The following TRIM37 variants were observed in gnomAD, a reference collection of about 807,000 sequenced individuals.
The protein encoded by TRIM37 is E3 ubiquitin-protein ligase TRIM37.
TRIM37 carries 80 observed loss-of-function variants against 129.8 expected under a neutral mutation model. The observed-to-expected ratio is 0.62, with a 90% CI of 0.51 to 0.74. The LOEUF (loss-of-function observed/expected upper bound fraction) is 0.74. Ranked by LOEUF, TRIM37 falls within the 30% of genes least tolerant of loss-of-function variation. TRIM37 has a pLI of 0.00. For missense variants in TRIM37, 1,054 were observed against 1,176.5 expected (o/e 0.90, Z 1.52); for synonymous variants, 389 against 387.1 (o/e 1.00, Z -0.06).
At chr17:59,028,320 A>G in intron 19 of TRIM37, 95 bp downstream of exon 19, 1 of 1,182,824 alleles carries the variant, frequency 8.5e-7, no homozygotes. Context: ...AACTCACTGG[A>G]AGAGTGGTAT....
At chr17:59,061,882 G>T (rs1488669656) in intron 11 of TRIM37, among the ~76,000 whole-genome samples, 1 of 151,946 alleles carries the variant, frequency 6.6e-6, no homozygotes, top group Non-Finnish European at 1.5e-5. Flanking sequence ...AGTCTACTTT[G>T]CTTGAAAGGA....
At chr17:58,980,985 A>G (rs766713130), downstream of TRIM37, 9 of 1,613,622 alleles carry the variant, frequency 5.6e-6, no homozygotes, top group Admixed American at 3.3e-5. The surrounding 1 kb of genome is among the most constrained non-coding windows in gnomAD (Gnocchi z 4.7). Context: ...AGAAAGACTC[A>G]TGATATTCCA....
rs139657198 is a variant in TRIM37, at chr17:59,030,342, G to C, written c.1948+1554C>G. ...GGCTGGTCTCGAACTCCTGACCTCA[G>C]GTGATCCACCCGCCTCAGCCTCCCC... On this transcript the variant is annotated intron_variant, in intron 18 of 23. Coordinates refer to ENST00000262294, the MANE Select transcript of TRIM37 (RefSeq NM_015294.6). Among the ~76,000 whole-genome samples, 359 of 152,208 alleles carry C rather than the reference G, an allele frequency of 2.4e-3. 3 individuals are homozygous for C. Among genetic ancestry groups the C allele is most frequent in the African/African-American group, 8.3e-3 (346 of 41,544 alleles).
At chr17:59,059,848 G>A (rs1408827508) in intron 12 of TRIM37, among the ~76,000 whole-genome samples, 1 of 152,188 alleles carries the variant, frequency 6.6e-6, no homozygotes, top group African/African-American at 2.4e-5. Context: ...CTTCCTTAGT[G>A]TTATACCCAA....
chr17:59,063,044 G>T (rs937272550), intron 10 of TRIM37, among the ~76,000 whole-genome samples: 9 of 152,146 alleles, frequency 5.9e-5, no homozygotes, highest in South Asian at 2.1e-4. Context: ...TTTTAATATT[G>T]AAGAACAAGA....
chr17:59,012,202 C>G, intron 22 of TRIM37, 126 bp downstream of exon 22: 4 of 436,918 alleles, frequency 9.2e-6, no homozygotes, highest in South Asian at 8.8e-5. Flanking sequence ...ACTCCCTATC[C>G]CTATCACTAC....
At chr17:59,027,319 C>A (rs1364307480) in intron 19 of TRIM37, among the ~76,000 whole-genome samples, 1 of 152,124 alleles carries the variant, frequency 6.6e-6, no homozygotes, top group Non-Finnish European at 1.5e-5. Flanking sequence ...TTGCTTAGGC[C>A]AAAACTTAAT....
chr17:58,978,677 C>T (rs2031174653), downstream of TRIM37, among the ~76,000 whole-genome samples: 1 of 152,142 alleles, frequency 6.6e-6, no homozygotes, highest in African/African-American at 2.4e-5. Flanking sequence ...TGCCACTGCA[C>T]TCCAGCCTGG....
intron 2 of TRIM37, 49 bp from the exon 3 acceptor site, chr17:59,091,389 T>C (rs1365623263): frequency 4.6e-5 from 37 of 805,366 alleles, no homozygotes; most frequent in Non-Finnish European, 6.0e-5. Context: ...CATTACTATA[T>C]ATATATATTA....
chr17:59,036,643 T>C (rs1275885111), intron 17 of TRIM37, among the ~76,000 whole-genome samples: 2 of 152,048 alleles, frequency 1.3e-5, no homozygotes, highest in East Asian at 1.9e-4. Flanking sequence ...AGTCAATAAA[T>C]ATTTCTTGTT....
chr17:59,056,927 A>G lies in TRIM37; in HGVS notation c.1147T>C (p.Leu383=), dbSNP rs752999138. The G allele has an allele frequency of 6.2e-7, 1 of 1,613,838 alleles. No homozygotes were observed. The highest frequency in any genetic ancestry group is 1.1e-5 in the South Asian group (1 of 91,070). Residue 383 remains leucine (L), a synonymous_variant, in exon 13 of 24, where the codon TTA becomes CTA. Transcript: ENST00000262294. ...TTCAAGTATCCTTCATTTGCGAGTA[A>G]GTCCAAACGGAAAAATCTATTATAG... The part of the protein sequence containing the change: ...WGYNRFFRLD[L]LANEGYLNPQ...
chr17:59,088,249 G>T, intron 4 of TRIM37, 42 bp downstream of exon 4: 1 of 1,360,060 alleles, frequency 7.4e-7, no homozygotes, highest in Non-Finnish European at 1.1e-6. Context: ...CAATACAAAG[G>T]CAAAATCCAT....
chr17:59,064,330 A>T, intron 10 of TRIM37, 25 bp downstream of exon 10: 1 of 1,580,744 alleles, frequency 6.3e-7, no homozygotes, highest in Non-Finnish European at 8.6e-7. Flanking sequence ...CATACAAAAA[A>T]ACCAGAATTG....
At chr17:59,026,213 T>C (rs2037230913) in intron 19 of TRIM37, among the ~76,000 whole-genome samples, 1 of 152,140 alleles carries the variant, frequency 6.6e-6, no homozygotes, top group South Asian at 2.1e-4. Context: ...TGGATATCCA[T>C]GGGCAAGCAA....
chr17:58,985,195 T>C (rs1778273801), intron 24 of TRIM37: 1 of 152,686 alleles, frequency 6.5e-6, no homozygotes, highest in Admixed American at 6.5e-5. Context: ...CATTTGTCTT[T>C]TTATTTAAAG....
intron 13 of TRIM37, among the ~76,000 whole-genome samples, chr17:59,055,155 G>A (rs972773599): frequency 2.6e-5 from 4 of 151,544 alleles, no homozygotes; most frequent in African/African-American, 7.3e-5. Context: ...TGATCAACAC[G>A]GAGAAACCCC....
rs1001420061 is a variant in TRIM37 at position 59,055,274 on chromosome 17, T to C, written c.1199+1601A>G. Among the ~76,000 whole-genome samples, 8 of 136,200 alleles carry C rather than the reference T, an allele frequency of 5.9e-5. No homozygotes were observed. In the Admixed American group the frequency reaches 6.0e-4, roughly 10 times the overall value. 89.4% of individuals were successfully genotyped at this position (136,200 alleles called of 152,430 possible). A position where few individuals can be genotyped will look rare whatever the true frequency, so the allele number is the denominator to read the frequency against. On this transcript the variant is annotated intron_variant, in intron 13 of 23. Transcript: ENST00000262294. ...TCGCTTGAACCTGGGAGGCAAAGGT[T>C]GCAGGGAGCCAAGATCGCGCCATTG...
In TRIM37 at chr17:59,029,375, C is replaced by G. The variant is rs554244820; in HGVS notation, c.1949-652G>C. ...ACTTCTAAAATAAAACAATAGCTCT[C>G]CATGCCTAGTATGAATAAATTCCTC... On this transcript the variant is annotated intron_variant, in intron 18 of 23. Coordinates refer to ENST00000262294, the MANE Select transcript of TRIM37 (RefSeq NM_015294.6). 3.3e-5 allele frequency among the ~76,000 whole-genome samples: 5 copies of G among 152,288 alleles called. No homozygotes were observed. The South Asian group carries it at 1.0e-3, about 32-fold the overall frequency.
In TRIM37 at chr17:59,028,546, A is replaced by G. The variant is rs761824716; in HGVS notation, c.2126T>C (p.Met709Thr). Residue 709 changes from methionine to threonine, a missense_variant, in exon 19 of 24, where the codon ATG (methionine) becomes ACG (threonine). Met to Thr is a moderately conservative substitution (Grantham distance 81, BLOSUM62 -1). Transcript: ENST00000262294. ...IKSSSAASGD[M>T]QTSLFSADQA... ...GTCAGCAGAAAAAAGGCTTGTCTGC[A>G]TGTCTCCAGAAGCAGCACTGCTGCT... 1.2e-6 allele frequency: 2 copies of G among 1,614,258 alleles called. No homozygotes were observed. Among genetic ancestry groups the G allele is most frequent in the South Asian group, 1.1e-5 (1 of 91,090 alleles).
Sources: allele counts gnomAD v4.1 joint callset (sites outside exome capture counted in the v4.1 genomes callset), GRCh38; gene constraint gnomAD v4.1.1; non-coding constraint Gnocchi (gnomAD v3.1); transcripts MANE v1.5; gene names NCBI Gene and HGNC (gene_info 2026-07-23, HGNC 2026-07-21).